Variants in ATG7 observed in about 807,000 individuals in gnomAD.
The protein encoded by ATG7 is ubiquitin-like modifier-activating enzyme ATG7.
A neutral mutation model predicts 82.4 loss-of-function variants in ATG7; 70 were observed. The ratio of observed to expected loss-of-function variants is 0.85; its 90% confidence interval spans 0.70 to 1.04. The LOEUF (loss-of-function observed/expected upper bound fraction) is 1.04. ATG7 is among the 50% of genes least tolerant of loss of function. ATG7 has a pLI of 0.00. For missense variants in ATG7, 792 were observed against 864.3 expected (o/e 0.92, Z 1.05); for synonymous variants, 287 against 313.0 (o/e 0.92, Z 0.88).
intron 9 of ATG7, among the ~76,000 whole-genome samples, chr3:11,328,850 G>A (rs1951242077): frequency 1.3e-5 from 2 of 152,228 alleles, no homozygotes; most frequent in African/African-American, 2.4e-5. Flanking sequence ...ACTTTGGGAG[G>A]ATGAGGCCAG....
At position 11,340,647 on chromosome 3, in the gene ATG7, T is replaced by A. The variant is rs1953404691; in HGVS notation, c.892T>A (p.Cys298Ser). The A allele has an allele frequency of 4.3e-6, 7 of 1,613,144 alleles. No individual in the cohort carries two copies. Among genetic ancestry groups the A allele is most frequent in the African/African-American group, 1.3e-5 (1 of 75,012 alleles). ...CTTTGTGTTTTATTTGCCTTAAGATTGTCCTAAAGCAGTTGGATGGGAAAA... is the reference window on the plus strand; with the variant it reads ...CTTTGTGTTTTATTTGCCTTAAGATAGTCCTAAAGCAGTTGGATGGGAAAA... ...KLPEMAFSPD[C>S]PKAVGWEKNQ... is the part of the protein sequence containing the mutation. Residue 298 changes from cysteine to serine, a missense_variant and splice_region_variant, in exon 12 of 21, where the codon TGT (cysteine) becomes AGT (serine). Coordinates refer to ENST00000693202, the MANE Select transcript of ATG7 (RefSeq NM_001349232.2).
chr3:11,528,319 T>G (rs1455215992), intron 20 of ATG7, among the ~76,000 whole-genome samples: 1 of 152,136 alleles, frequency 6.6e-6, no homozygotes, highest in Non-Finnish European at 1.5e-5. Context: ...TAATGGCACA[T>G]ACTTTAAAAA....
At chr3:11,343,140 G>A (rs759629916) in intron 13 of ATG7, among the ~76,000 whole-genome samples, 82 of 152,102 alleles carry the variant, frequency 5.4e-4, no homozygotes, top group Non-Finnish European at 8.7e-4. Context: ...TGTTGTCCAG[G>A]CTGGTCTTGA....
intron 20 of ATG7, among the ~76,000 whole-genome samples, chr3:11,551,876 G>C (rs1235617210): frequency 6.6e-6 from 1 of 152,044 alleles, no homozygotes; most frequent in Non-Finnish European, 1.5e-5. Flanking sequence ...AGCCTCCCAA[G>C]TAGCTGGGAC....
chr3:11,362,527 A>T (rs1017966108), intron 16 of ATG7, among the ~76,000 whole-genome samples: 1 of 152,230 alleles, frequency 6.6e-6, no homozygotes, highest in African/African-American at 2.4e-5. Flanking sequence ...CACATGATGC[A>T]GTTCCATTAT....
the ATG7 span, among the ~76,000 whole-genome samples, chr3:11,563,915 C>T: frequency 6.6e-6 from 1 of 152,188 alleles, no homozygotes; most frequent in Non-Finnish European, 1.5e-5. Context: ...TCAACAGACC[C>T]CATCAGACAC....
In ATG7 at chr3:11,419,391, T is replaced by A. The variant is rs182944849; in HGVS notation, c.1957-7413T>A. 4.6e-5 allele frequency among the ~76,000 whole-genome samples: 7 copies of A among 152,076 alleles called. No homozygotes were observed. In the East Asian group the frequency reaches 1.4e-3, roughly 30 times the overall value. ...CAACATGGCAAAACCCCATCTCTACTAACAATACAAAAATTAGCCAGGAAT... is the reference window on the plus strand; with the variant it reads ...CAACATGGCAAAACCCCATCTCTACAAACAATACAAAAATTAGCCAGGAAT... On this transcript the variant is annotated intron_variant, in intron 19 of 20. Coordinates refer to ENST00000693202, the MANE Select transcript of ATG7 (RefSeq NM_001349232.2).
chr3:11,451,489 A>G (rs975601200), intron 20 of ATG7, among the ~76,000 whole-genome samples: 1 of 152,144 alleles, frequency 6.6e-6, no homozygotes, highest in African/African-American at 2.4e-5. Context: ...AGTCGGCATT[A>G]CTAGCCCTGT....
At chr3:11,325,700 A>T (rs1950784640) in intron 9 of ATG7, among the ~76,000 whole-genome samples, 1 of 152,080 alleles carries the variant, frequency 6.6e-6, no homozygotes. Flanking sequence ...TATCCTATAG[A>T]TGAGAAAATT....
chr3:11,348,223 G>C, intron 14 of ATG7, 188 bp downstream of exon 14: 1 of 742,150 alleles, frequency 1.3e-6, no homozygotes, highest in Non-Finnish European at 2.1e-6. Flanking sequence ...GGTCAGGCAT[G>C]GTGGCTCATA....
rs1436968270 is a variant in ATG7, at chr3:11,557,475, G to T, written c.*2632G>T. ...AGGGATGCAAAAATAAATGATGTCA[G>T]CCTGCAGCCAAACTCCAGCATCCCA... On this transcript the variant is annotated 3_prime_UTR_variant, in exon 21 of 21. Coordinates refer to ENST00000693202, the MANE Select transcript of ATG7 (RefSeq NM_001349232.2). The T allele has an allele frequency of 6.6e-6, 1 of 152,564 alleles. No homozygotes were observed. Among genetic ancestry groups the T allele is most frequent in the Non-Finnish European group, 1.5e-5 (1 of 68,042 alleles). 9.5% of individuals were successfully genotyped at this position (152,564 alleles called of 1,614,324 possible).
At chr3:11,496,308 C>A (rs932863048) in intron 20 of ATG7, among the ~76,000 whole-genome samples, 2 of 152,194 alleles carry the variant, frequency 1.3e-5, no homozygotes, top group African/African-American at 4.8e-5. Context: ...TGAATGGGTT[C>A]GCTGACCTGT....
At chr3:11,427,814 C>CA (rs11288609) in intron 20 of ATG7, among the ~76,000 whole-genome samples, 2,282 of 135,216 alleles carry the variant, frequency 0.017, 56 homozygotes, top group African/African-American at 0.05. Flanking sequence ...GACTCCGTCT[C>CA]AAAAAAAAAA....
intron 14 of ATG7, among the ~76,000 whole-genome samples, chr3:11,351,338 G>A (rs1306684804): frequency 6.6e-6 from 1 of 152,296 alleles, no homozygotes; most frequent in East Asian, 1.9e-4. Flanking sequence ...CTAGATGAGG[G>A]GTGGACTGGG....
chr3:11,531,160 G>A (rs1220715009), intron 20 of ATG7, among the ~76,000 whole-genome samples: 2 of 152,160 alleles, frequency 1.3e-5, no homozygotes, highest in South Asian at 2.1e-4. Context: ...TCAGCAGTAG[G>A]TACAGAGTCA....
At chr3:11,445,064 G>A (rs568157412) in intron 20 of ATG7, among the ~76,000 whole-genome samples, 1 of 152,294 alleles carries the variant, frequency 6.6e-6, no homozygotes, top group Non-Finnish European at 1.5e-5. Flanking sequence ...AGATGCTGGC[G>A]AGGTTGTGGT....
In ATG7 at chr3:11,489,431, G is replaced by A. The variant is rs369155891; in HGVS notation, c.2079+62505G>A. ...TTTATTGATCCTTTCAAAAAAACCA[G>A]CTCCTGGATTCATTAATTTTTTGAA... On this transcript the variant is annotated intron_variant, in intron 20 of 20. Transcript: ENST00000693202. Among the ~76,000 whole-genome samples, 8 of 151,826 alleles carry A rather than the reference G, an allele frequency of 5.3e-5. No homozygotes were observed. The East Asian group carries it at 9.7e-4, about 18-fold the overall frequency.
intron 9 of ATG7, among the ~76,000 whole-genome samples, chr3:11,318,423 T>C (rs559491396): frequency 6.6e-6 from 1 of 152,298 alleles, no homozygotes; most frequent in Non-Finnish European, 1.5e-5. Flanking sequence ...GGTGATACTT[T>C]GGTTGGTCTT....
At chr3:11,455,668 G>A (rs564708990) in intron 20 of ATG7, among the ~76,000 whole-genome samples, 1 of 152,252 alleles carries the variant, frequency 6.6e-6, no homozygotes, top group Non-Finnish European at 1.5e-5. Flanking sequence ...TGCCCAGACC[G>A]GGGCTGTCTT....
Sources: allele counts gnomAD v4.1 joint callset (sites outside exome capture counted in the v4.1 genomes callset), GRCh38; gene constraint gnomAD v4.1.1; transcripts MANE v1.5; gene names NCBI Gene and HGNC (gene_info 2026-07-23, HGNC 2026-07-21).